SMYD4: variants seen among roughly 807,000 people sequenced by gnomAD.
SMYD4 encodes protein-lysine N-methyltransferase SMYD4.
Under a neutral mutation model 72.8 loss-of-function variants are expected in SMYD4, and 68 were observed. The observed-to-expected ratio is 0.93, with a 90% CI of 0.77 to 1.14. SMYD4 has a LOEUF of 1.14. Ranked by LOEUF, SMYD4 falls within the 50% of genes most tolerant of loss-of-function variation. The pLI is 0.00. For missense variants in SMYD4, 984 were observed against 1,003.7 expected (o/e 0.98, Z 0.27); for synonymous variants, 407 against 388.6 (o/e 1.05, Z -0.56).
intron 2 of SMYD4, among the ~76,000 whole-genome samples, chr17:1,822,600 C>G (rs1910952661): frequency 6.6e-6 from 1 of 152,086 alleles, no homozygotes; most frequent in Non-Finnish European, 1.5e-5. Context: ...GCTGGGATTA[C>G]AGGTGCCCGC....
chr17:1,786,277 T>C (rs886382452), intron 7 of SMYD4, among the ~76,000 whole-genome samples: 30 of 152,216 alleles, frequency 2.0e-4, no homozygotes, highest in Admixed American at 1.6e-3. Context: ...GGGAAGTCTA[T>C]CTGAGGATGG....
rs7209051 is a variant in SMYD4, at chr17:1,825,197, G to A, written c.134+2664C>T. Among the ~76,000 whole-genome samples the A allele has an allele frequency of 4.6e-5, 7 of 152,240 alleles. No homozygotes were observed. The East Asian group carries it at 9.6e-4, about 21-fold the overall frequency. On this transcript the variant is annotated intron_variant, in intron 2 of 10. Transcript: ENST00000305513. Reference sequence around the variant, plus strand: ...TTTGCAAGCACTGGGGAAAGGATGCGTCATGCATTAAATGCTACAGAAAAA... The same window carrying A: ...TTTGCAAGCACTGGGGAAAGGATGCATCATGCATTAAATGCTACAGAAAAA...
chr17:1,786,469 C>T (rs894910445), intron 7 of SMYD4, among the ~76,000 whole-genome samples: 1 of 152,210 alleles, frequency 6.6e-6, no homozygotes, highest in Admixed American at 6.5e-5. Context: ...CCACCTCAGC[C>T]TCCCAAAGTG....
intron 5 of SMYD4, among the ~76,000 whole-genome samples, chr17:1,799,371 TA>T (rs201874468): frequency 1.3e-5 from 2 of 151,040 alleles, no homozygotes; most frequent in Non-Finnish European, 3.0e-5. Context: ...CGGAATCAAA[TA>T]ATTTTTTTTT....
intron 2 of SMYD4, among the ~76,000 whole-genome samples, chr17:1,818,310 T>C (rs1369383250): frequency 6.6e-6 from 1 of 152,132 alleles, no homozygotes; most frequent in African/African-American, 2.4e-5. Flanking sequence ...AGAGTGCAGA[T>C]TACTGAGATT....
In SMYD4 at chr17:1,786,846, T is replaced by G; in HGVS notation, c.1848A>C (p.Glu616Asp). 1 of 1,614,208 alleles carries G rather than the reference T, an allele frequency of 6.2e-7. No individual in the cohort carries two copies. Among genetic ancestry groups the G allele is most frequent in the Non-Finnish European group, 8.5e-7 (1 of 1,180,032 alleles). ...AHRMAAGPRWEAFCCNSCGAP... is the reference protein window; with the variant it reads ...AHRMAAGPRWDAFCCNSCGAP... ...CTCCGCAACTGTTGCAACAGAATGC[T>G]TCCCACCTGGGCCCTGCAGCCATCC... Residue 616 changes from glutamate (E) to aspartate (D), a missense_variant, in exon 7 of 11, where the codon GAA becomes GAC. Transcript: ENST00000305513.
At chr17:1,787,274 T>A in intron 6 of SMYD4, 148 bp downstream of exon 6, 1 of 1,055,746 alleles carries the variant, frequency 9.5e-7, no homozygotes, top group Non-Finnish European at 1.4e-6. Context: ...CCATCCTCCC[T>A]TCCTTGTTTT....
chr17:1,788,804 A>G (rs1263500579), intron 5 of SMYD4, among the ~76,000 whole-genome samples: 1 of 152,186 alleles, frequency 6.6e-6, no homozygotes. Flanking sequence ...AGCACTTTAA[A>G]AGTCCACCTG....
At chr17:1,807,845 C>T (rs1019431693) in intron 3 of SMYD4, among the ~76,000 whole-genome samples, 5 of 152,146 alleles carry the variant, frequency 3.3e-5, no homozygotes, top group African/African-American at 1.2e-4. Flanking sequence ...CTCAACAGTG[C>T]TAGTTTATGG....
In SMYD4 at chr17:1,812,225, CAT is replaced by C. The variant is rs71375547; in HGVS notation, c.135-112_135-111del. The C allele has an allele frequency of 2.1e-3, 2,548 of 1,198,950 alleles. 22 individuals are homozygous for C. In the African/African-American group the frequency reaches 0.023, roughly 11 times the overall value. 74.3% of individuals were successfully genotyped at this position (1,198,950 alleles called of 1,614,324 possible). A position where few individuals can be genotyped will look rare whatever the true frequency, so the allele number is the denominator to read the frequency against. Reference sequence around the variant, plus strand: ...GTGGGCCCGCAAAACATTTCACACACATGAGGATATGTACATTGTGCAATGTG... The same window carrying C: ...GTGGGCCCGCAAAACATTTCACACACGAGGATATGTACATTGTGCAATGTG... On this transcript the variant is annotated intron_variant, in intron 2 of 10. Transcript: ENST00000305513.
intron 6 of SMYD4, 87 bp from the exon 7 acceptor site, chr17:1,787,060 A>G: frequency 6.7e-7 from 1 of 1,494,510 alleles, no homozygotes; most frequent in Non-Finnish European, 9.1e-7. Context: ...GAGGGTCTGG[A>G]CAATTACCTA....
At chr17:1,783,306 G>A (rs12149986) in intron 9 of SMYD4, 54 bp downstream of exon 9, 554,633 of 1,610,120 alleles carry the variant, frequency 0.34, 100,967 homozygotes, top group Non-Finnish European at 0.38. Context: ...GGGCCACGGC[G>A]AAGTGCCCAC....
At chr17:1,801,255 T>C (rs1055405563) in intron 4 of SMYD4, among the ~76,000 whole-genome samples, 6 of 152,184 alleles carry the variant, frequency 3.9e-5, no homozygotes, top group Non-Finnish European at 8.8e-5. Context: ...TTCTTTTTTT[T>C]TGAGACGGAG....
At chr17:1,827,788 T>C in intron 2 of SMYD4, 73 bp downstream of exon 2, 1 of 1,533,284 alleles carries the variant, frequency 6.5e-7, no homozygotes, top group Non-Finnish European at 8.9e-7. Flanking sequence ...AAAAGACACA[T>C]TACTTCAGAG....
At chr17:1,809,136 C>T (rs947848663) in intron 3 of SMYD4, among the ~76,000 whole-genome samples, 11 of 152,214 alleles carry the variant, frequency 7.2e-5, no homozygotes, top group African/African-American at 2.6e-4. Flanking sequence ...CTCGGTCTCC[C>T]AAAGTGTTGG....
At position 1,790,690 on chromosome 17, in the gene SMYD4, T is replaced by C. The variant is rs537660780; in HGVS notation, c.1538-3086A>G. Among the ~76,000 whole-genome samples, 13 of 152,036 alleles carry C rather than the reference T, an allele frequency of 8.6e-5. 1 individual carries two copies. In the South Asian group the frequency reaches 2.7e-3, roughly 32 times the overall value. Reference sequence around the variant, plus strand: ...CATCACCACACTCAGCTCATTTTTGTATTTTTAGTAGAAGACAGGTTTCAG... The same window carrying C: ...CATCACCACACTCAGCTCATTTTTGCATTTTTAGTAGAAGACAGGTTTCAG... On this transcript the variant is annotated intron_variant, in intron 5 of 10. Transcript: ENST00000305513.
intron 5 of SMYD4, among the ~76,000 whole-genome samples, chr17:1,795,439 CTATCTAATCATCT>C (rs1909350867): frequency 5.0e-5 from 6 of 119,404 alleles, no homozygotes; most frequent in Admixed American, 2.4e-4. Context: ...ATCTATCTAT[CTATCTAATCATCT>C]ATCTATCTAT....
At chr17:1,825,648 A>G (rs1306935450) in intron 2 of SMYD4, among the ~76,000 whole-genome samples, 1 of 151,556 alleles carries the variant, frequency 6.6e-6, no homozygotes, top group African/African-American at 2.4e-5. Flanking sequence ...AGTAGCTGGG[A>G]CGACAGGCAC....
chr17:1,813,763 A>T (rs532476030), intron 2 of SMYD4, among the ~76,000 whole-genome samples: 3 of 152,298 alleles, frequency 2.0e-5, no homozygotes, highest in African/African-American at 7.2e-5. Context: ...CAAACTAAGA[A>T]GTTTAAGAAA....
Sources: gnomAD v4.1 joint callset for allele counts (sites outside exome capture counted in the v4.1 genomes callset) on GRCh38, gnomAD v4.1.1 for gene constraint, MANE v1.5 for transcripts, NCBI Gene and HGNC (gene_info 2026-07-23, HGNC 2026-07-21) for gene names.